The following RPS6KA3 variants were observed in gnomAD, a reference collection of about 807,000 sequenced individuals.
RPS6KA3 encodes ribosomal protein S6 kinase A3.
Under a neutral mutation model 67.2 loss-of-function variants are expected in RPS6KA3, and 4 were observed. That is an observed-to-expected ratio of 0.06 (90% CI 0.03 to 0.14). The LOEUF (loss-of-function observed/expected upper bound fraction) is 0.14, where lower values mean the gene tolerates loss of function less well. Ranked by LOEUF, RPS6KA3 falls within the 10% of genes least tolerant of loss-of-function variation. RPS6KA3 has a pLI of 1.00. For missense variants in RPS6KA3, 204 were observed against 559.0 expected (o/e 0.36, Z 6.40); for synonymous variants, 182 against 183.7 (o/e 0.99, Z 0.07).
chrX:20,262,269 T>C (rs2070253235), intron 1 of RPS6KA3, among the ~76,000 whole-genome samples: 2 of 111,853 alleles, frequency 1.8e-5, no homozygotes, highest in South Asian at 7.4e-4. Context: ...TAATAAAAAT[T>C]TTTAAAAACT....
chrX:20,260,463 T>C (rs1250046254), intron 1 of RPS6KA3, among the ~76,000 whole-genome samples: 2 of 111,783 alleles, frequency 1.8e-5, no homozygotes, highest in Non-Finnish European at 3.8e-5. Flanking sequence ...CACAATGTTG[T>C]TTTTTCCCTT....
At chrX:20,250,182 A>C (rs1280360620) in intron 1 of RPS6KA3, among the ~76,000 whole-genome samples, 2 of 111,238 alleles carry the variant, frequency 1.8e-5, no homozygotes, top group Non-Finnish European at 3.8e-5. Flanking sequence ...AATCATTTGG[A>C]AGGGTTCCTC....
intron 1 of RPS6KA3, among the ~76,000 whole-genome samples, chrX:20,240,305 T>C (rs1382858146): frequency 1.0e-5 from 1 of 98,657 alleles, no homozygotes; most frequent in Admixed American, 1.1e-4. Context: ...TTTTTTTTTT[T>C]TTTTTTTTAC....
Position 20,266,720 on chromosome X carries a change from GGCA to G in RPS6KA3, c.-91_-89del, listed in dbSNP as rs1325123940. The G allele has an allele frequency of 2.4e-5, 13 of 549,214 alleles. No individual in the cohort carries two copies. The highest frequency in any genetic ancestry group is 1.8e-4 in the East Asian group (1 of 5,506). The allele number at this position is 549,214 out of a possible 1,213,427, so 45.3% of individuals were successfully genotyped here. On this transcript the variant is annotated 5_prime_UTR_variant, in exon 1 of 22. Coordinates refer to ENST00000379565, the MANE Select transcript of RPS6KA3 (RefSeq NM_004586.3). Reference sequence around the variant, plus strand: ...CGCTCCGTCGCCGCCCGAGCCCCACGGCAGCGGCGGCGGCGGCGGCGGCGGCGG... The same window carrying G: ...CGCTCCGTCGCCGCCCGAGCCCCACGGCGGCGGCGGCGGCGGCGGCGGCGG...
chrX:20,250,006 G>A (rs2069818991), intron 1 of RPS6KA3, among the ~76,000 whole-genome samples: 1 of 112,183 alleles, frequency 8.9e-6, no homozygotes, highest in African/African-American at 3.2e-5. Flanking sequence ...TGTTGAAAAG[G>A]CTATTTATCC....
chrX:20,155,886 C>T (rs183084385), intron 21 of RPS6KA3, among the ~76,000 whole-genome samples: 1 of 112,345 alleles, frequency 8.9e-6, no homozygotes, highest in East Asian at 2.8e-4. Context: ...ATAGTGAATA[C>T]CTACTCATGT....
At chrX:20,238,680 T>C (rs922909119) in intron 1 of RPS6KA3, among the ~76,000 whole-genome samples, 1 of 111,594 alleles carries the variant, frequency 9.0e-6, no homozygotes, top group African/African-American at 3.2e-5. Flanking sequence ...TTTGTAAAAA[T>C]AGCTACCTCC....
chrX:20,227,264 T>C (rs1003023654), intron 2 of RPS6KA3, among the ~76,000 whole-genome samples: 13 of 111,608 alleles, frequency 1.2e-4, no homozygotes. Flanking sequence ...TTAATCATCA[T>C]AATGGGAATA....
At chrX:20,192,147 G>A (rs1349797086) in intron 7 of RPS6KA3, among the ~76,000 whole-genome samples, 2 of 110,873 alleles carry the variant, frequency 1.8e-5, no homozygotes, top group Admixed American at 1.9e-4. Context: ...GTGCTTATAT[G>A]CTTATAAAAG....
At chrX:20,170,116 C>T (rs1457564516) in intron 15 of RPS6KA3, among the ~76,000 whole-genome samples, 1 of 111,484 alleles carries the variant, frequency 9.0e-6, no homozygotes, top group Admixed American at 9.6e-5. Flanking sequence ...ATAATAAAGC[C>T]CTTTAAAATA....
intron 19 of RPS6KA3, among the ~76,000 whole-genome samples, chrX:20,162,177 A>G (rs1234752517): frequency 9.2e-6 from 1 of 108,582 alleles, no homozygotes; most frequent in African/African-American, 3.4e-5. Flanking sequence ...CTCAACTAAA[A>G]ATACAAAAAT....
Position 20,187,927 on chromosome X carries a change from T to A in RPS6KA3, c.675A>T (p.Ala225=). Residue 225 remains alanine, a synonymous_variant, in exon 9 of 22, where the codon GCA becomes GCT. Transcript: ENST00000379565. ...SKESIDHEKK[A]YSFCGTVEYM... Reference sequence around the variant, plus strand: ...ACTCCACAGTTCCACAAAAAGAATATGCCTTCTTTTCATGGTCAATAGACT... The same window carrying A: ...ACTCCACAGTTCCACAAAAAGAATAAGCCTTCTTTTCATGGTCAATAGACT... 1.7e-6 allele frequency: 2 copies of A among 1,201,793 alleles called. No individual in the cohort carries two copies. The highest frequency in any genetic ancestry group is 3.5e-5 in the South Asian group (2 of 56,775).
chrX:20,237,194 T>C (rs2069433373), intron 1 of RPS6KA3, among the ~76,000 whole-genome samples: 1 of 111,491 alleles, frequency 9.0e-6, no homozygotes, highest in Admixed American at 9.5e-5. Flanking sequence ...CCCACCAATC[T>C]GCTCCCTCTC....
chrX:20,252,656 C>A (rs1200635857), intron 1 of RPS6KA3, among the ~76,000 whole-genome samples: 2 of 111,355 alleles, frequency 1.8e-5, no homozygotes, highest in Non-Finnish European at 3.8e-5. Flanking sequence ...CTGGGCCCCA[C>A]TGATGACAGG....
At position 20,164,879 on chromosome X, in the gene RPS6KA3, G is replaced by A. The variant is rs777933293; in HGVS notation, c.1764+20C>T. ...GTTTTAAAACATACTAATACTGCAAGCAAACTCTCTCACAATTACCTCTGG... is the reference window on the plus strand; with the variant it reads ...GTTTTAAAACATACTAATACTGCAAACAAACTCTCTCACAATTACCTCTGG... On this transcript the variant is annotated intron_variant, in intron 18 of 21. Transcript: ENST00000379565. 8.5e-7 allele frequency: 1 copy of A among 1,173,796 alleles called. No homozygotes were observed. Among genetic ancestry groups the A allele is most frequent in the South Asian group, 1.8e-5 (1 of 56,088 alleles).
intron 2 of RPS6KA3, among the ~76,000 whole-genome samples, chrX:20,221,424 G>C (rs1034266589): frequency 9.0e-6 from 1 of 111,576 alleles, no homozygotes; most frequent in Non-Finnish European, 1.9e-5. Context: ...AGAAAACTTA[G>C]ATAATAAACA....
chrX:20,226,042 T>C (rs2069112753), intron 2 of RPS6KA3, among the ~76,000 whole-genome samples: 1 of 110,182 alleles, frequency 9.1e-6, no homozygotes, highest in Non-Finnish European at 1.9e-5. Context: ...ATTAGCTGAG[T>C]GTGGTGGCAT....
At chrX:20,201,641 C>T (rs1407706056) in intron 4 of RPS6KA3, among the ~76,000 whole-genome samples, 1 of 111,039 alleles carries the variant, frequency 9.0e-6, no homozygotes, top group African/African-American at 3.3e-5. Flanking sequence ...CCCTTTTCCC[C>T]CATTAATTAA....
chrX:20,204,066 C>T lies in RPS6KA3; in HGVS notation c.281G>A (p.Arg94Lys), dbSNP rs1339757713. The T allele has an allele frequency of 8.3e-7, 1 of 1,207,503 alleles. No individual in the cohort carries two copies. The highest frequency in any genetic ancestry group is 2.2e-5 in the Admixed American group (1 of 46,061). Residue 94 changes from arginine (R) to lysine (K), a missense_variant, in exon 4 of 22, where the codon AGG becomes AAG. Physicochemically the swap from Arg to Lys is conservative, Grantham distance 26 (BLOSUM62 2). This residue lies in a region of RPS6KA3 where 76 missense variants were observed against 250.3 expected (regional missense o/e 0.30). Transcript: ENST00000379565. ...LVKKISGSDARQLYAMKVLKK... is the reference protein window; with the variant it reads ...LVKKISGSDAKQLYAMKVLKK... ...CAATACCTTCATGGCATAAAGCTGC[C>T]TAGCATCAGAGCCTGAGATTTTTTT...
Sources: gnomAD v4.1 joint callset for allele counts (sites outside exome capture counted in the v4.1 genomes callset) on GRCh38, gnomAD v4.1.1 for gene constraint, gnomAD v4.1.1 regional missense constraint, MANE v1.5 for transcripts, NCBI Gene and HGNC (gene_info 2026-07-23, HGNC 2026-07-21) for gene names.